LRRC4C: variants seen among roughly 807,000 people sequenced by gnomAD.
LRRC4C encodes leucine rich repeat containing 4C, also known as leucine-rich repeat-containing protein 4C.
Under a neutral mutation model 33.6 loss-of-function variants are expected in LRRC4C, and 5 were observed. The ratio of observed to expected loss-of-function variants is 0.15; its 90% CI spans 0.08 to 0.31. LRRC4C has a LOEUF of 0.31. Among genes scored for constraint, LRRC4C ranks in the 10% least tolerant of loss-of-function variants. LRRC4C has a pLI of 1.00. For synonymous variants in LRRC4C, 329 were observed against 302.0 expected, an observed-to-expected ratio of 1.09 and a Z score of -0.93; for missense variants, 560 against 796.7, an observed-to-expected ratio of 0.70 and a Z score of 3.58.
chr11:41,047,022 A>G (rs1012011178), intron 1 of LRRC4C, among the ~76,000 whole-genome samples: 2 of 152,180 alleles, frequency 1.3e-5, no homozygotes, highest in African/African-American at 4.8e-5. Context: ...ATTAGGCTTT[A>G]TCAAAATTAA....
At chr11:40,176,237 T>C (rs11035727) in intron 5 of LRRC4C, among the ~76,000 whole-genome samples, 31,539 of 152,052 alleles carry the variant, frequency 0.21, 3,849 homozygotes, top group Non-Finnish European at 0.28. Context: ...ATAATAAGAC[T>C]GCGCATAAAG....
chr11:40,996,947 T>G (rs1035947345), intron 1 of LRRC4C, among the ~76,000 whole-genome samples: 1 of 152,086 alleles, frequency 6.6e-6, no homozygotes, highest in Non-Finnish European at 1.5e-5. Context: ...GAGATCAAAC[T>G]TTTTTTCAAC....
At chr11:40,898,404 T>C (rs1293502775) in intron 2 of LRRC4C, among the ~76,000 whole-genome samples, 1 of 142,616 alleles carries the variant, frequency 7.0e-6, no homozygotes, top group African/African-American at 2.7e-5. Context: ...TTTGGAAATA[T>C]TCAATAAAGG....
chr11:40,472,807 A>G (rs1021074758), intron 3 of LRRC4C, among the ~76,000 whole-genome samples: 2 of 152,200 alleles, frequency 1.3e-5, no homozygotes, highest in African/African-American at 2.4e-5. Context: ...ACAAACCACC[A>G]TCAGAGAATA....
At chr11:41,300,681 C>T (rs985000808) in intron 1 of LRRC4C, among the ~76,000 whole-genome samples, 37 of 152,100 alleles carry the variant, frequency 2.4e-4, no homozygotes, top group Admixed American at 1.3e-4. Flanking sequence ...CTCCTGACAC[C>T]TTCCTCTACC....
At chr11:40,141,168 C>G (rs1045871853) in intron 5 of LRRC4C, among the ~76,000 whole-genome samples, 1 of 152,040 alleles carries the variant, frequency 6.6e-6, no homozygotes, top group Non-Finnish European at 1.5e-5. Flanking sequence ...ATCAGAACCA[C>G]ATCATAAGAT....
chr11:41,162,183 C>T (rs972904841), intron 1 of LRRC4C, among the ~76,000 whole-genome samples: 5 of 152,112 alleles, frequency 3.3e-5, no homozygotes, highest in Admixed American at 2.6e-4. Flanking sequence ...CATCCAGCAT[C>T]GCCTTTGATT....
At chr11:40,529,342 C>T (rs528970476) in intron 3 of LRRC4C, among the ~76,000 whole-genome samples, 1 of 151,826 alleles carries the variant, frequency 6.6e-6, no homozygotes, top group South Asian at 2.1e-4. Flanking sequence ...TTAAATAAAT[C>T]TTTTTTTAAA....
chr11:41,122,079 G>A (rs1343926827), intron 1 of LRRC4C, among the ~76,000 whole-genome samples: 4 of 152,048 alleles, frequency 2.6e-5, no homozygotes, highest in Admixed American at 1.3e-4. Context: ...AAACACTGCT[G>A]GGAAGCTGGA....
At chr11:40,720,954 A>G (rs1434928303) in intron 2 of LRRC4C, among the ~76,000 whole-genome samples, 1 of 152,160 alleles carries the variant, frequency 6.6e-6, no homozygotes, top group Non-Finnish European at 1.5e-5. Context: ...GACCCTTGCC[A>G]TAGGAGATGA....
intron 2 of LRRC4C, among the ~76,000 whole-genome samples, chr11:40,903,912 T>TATATATA (rs1318252462): frequency 6.6e-6 from 1 of 151,948 alleles, no homozygotes; most frequent in Non-Finnish European, 1.5e-5. Context: ...TAAATATATA[T>TATATATA]ATATATACCT....
At chr11:41,450,516 G>T (rs534504347) in intron 1 of LRRC4C, among the ~76,000 whole-genome samples, 1 of 152,144 alleles carries the variant, frequency 6.6e-6, no homozygotes, top group Non-Finnish European at 1.5e-5. Flanking sequence ...GTAGACAGAC[G>T]CAACTAGGCA....
chr11:40,964,498 C>T (rs1344967843), intron 1 of LRRC4C, among the ~76,000 whole-genome samples: 2 of 150,772 alleles, frequency 1.3e-5, no homozygotes. Context: ...TTAGGTATAT[C>T]TCCTAATGCT....
intron 2 of LRRC4C, among the ~76,000 whole-genome samples, chr11:40,810,234 G>T (rs1485741882): frequency 6.6e-6 from 1 of 152,112 alleles, no homozygotes; most frequent in East Asian, 1.9e-4. Context: ...CAAAAATTGA[G>T]ACACATGAAT....
intron 5 of LRRC4C, among the ~76,000 whole-genome samples, chr11:40,213,559 C>T (rs1306139333): frequency 6.6e-6 from 1 of 152,100 alleles, no homozygotes; most frequent in Non-Finnish European, 1.5e-5. Flanking sequence ...AACAAAGGAA[C>T]ATTATATGGC....
At chr11:40,558,549 A>G (rs997425681) in intron 3 of LRRC4C, among the ~76,000 whole-genome samples, 1 of 152,048 alleles carries the variant, frequency 6.6e-6, no homozygotes, top group Non-Finnish European at 1.5e-5. Context: ...CTACCCGACT[A>G]TCTCTTTCTT....
At chr11:41,447,237 C>T (rs1207627795) in intron 1 of LRRC4C, among the ~76,000 whole-genome samples, 2 of 152,158 alleles carry the variant, frequency 1.3e-5, no homozygotes, top group African/African-American at 4.8e-5. Flanking sequence ...TTTTCCTCAT[C>T]TGTAAACTAG....
chr11:40,871,088 G>T (rs1382038143), intron 2 of LRRC4C, among the ~76,000 whole-genome samples: 1 of 152,098 alleles, frequency 6.6e-6, no homozygotes, highest in Non-Finnish European at 1.5e-5. Context: ...TTATTAGGAT[G>T]AGGAAATTCC....
chr11:41,052,148 C>T (rs1748808111), intron 1 of LRRC4C, among the ~76,000 whole-genome samples: 1 of 152,050 alleles, frequency 6.6e-6, no homozygotes, highest in Non-Finnish European at 1.5e-5. Context: ...CCACTGCACA[C>T]CCTATGATTC....
Sources: allele counts gnomAD v4.1 joint callset (sites outside exome capture counted in the v4.1 genomes callset), GRCh38; gene constraint gnomAD v4.1.1; transcripts MANE v1.5; gene names NCBI Gene and HGNC (gene_info 2026-07-23, HGNC 2026-07-21).